The following LARGE1 variants were observed in gnomAD, a reference collection of about 807,000 sequenced individuals.
The protein encoded by LARGE1 is xylosyl- and glucuronyltransferase LARGE1.
In LARGE1, 43 loss-of-function variants were observed where a neutral mutation model predicts 87.6. That is an observed-to-expected ratio of 0.49 (90% confidence interval 0.38 to 0.63). The LOEUF is 0.63. Ranked by LOEUF, LARGE1 falls within the 30% of genes least tolerant of loss-of-function variation. The pLI is 0.00. For synonymous variants in LARGE1, 434 were observed against 394.6 expected (o/e 1.10, Z -1.18); for missense variants, 802 against 1,000.2 (o/e 0.80, Z 2.67).
intron 1 of LARGE1, among the ~76,000 whole-genome samples, chr22:33,802,343 C>A (rs1040633616): frequency 2.0e-5 from 3 of 152,176 alleles, no homozygotes; most frequent in Admixed American, 2.0e-4. Context: ...TTAGGCCCTG[C>A]TGAATGTTCC....
chr22:33,605,814 A>G (rs1306651609), intron 4 of LARGE1, among the ~76,000 whole-genome samples: 4 of 152,192 alleles, frequency 2.6e-5, no homozygotes, highest in Non-Finnish European at 5.9e-5. Context: ...GCAGTTAAAT[A>G]TAAGCACGGG....
the LARGE1 span, among the ~76,000 whole-genome samples, chr22:33,126,955 T>TCCCCAAAGGA: frequency 9.0e-4 from 137 of 152,348 alleles, no homozygotes; most frequent in African/African-American, 2.9e-3. Context: ...CAGGGGGATT[T>TCCCCAAAGGA]TGCTCTGTAT....
At chr22:33,243,791 AAAGAGT>A (rs1230629094) in intron 11 of LARGE1, among the ~76,000 whole-genome samples, 2 of 152,198 alleles carry the variant, frequency 1.3e-5, no homozygotes, top group African/African-American at 4.8e-5. Flanking sequence ...AGTCATGCAT[AAAGAGT>A]TTTCAGGTCA....
At chr22:33,102,099 T>A in the LARGE1 span, among the ~76,000 whole-genome samples, 5 of 151,958 alleles carry the variant, frequency 3.3e-5, no homozygotes, top group Admixed American at 3.3e-4. Context: ...CCCTTGCCCA[T>A]AAACTGTTTC....
At chr22:33,692,591 G>T (rs149613810) in intron 2 of LARGE1, among the ~76,000 whole-genome samples, 1 of 152,224 alleles carries the variant, frequency 6.6e-6, no homozygotes, top group Non-Finnish European at 1.5e-5. Context: ...AATTATAGGC[G>T]TGAGCCACCG....
At chr22:33,075,182 G>A in the LARGE1 span, among the ~76,000 whole-genome samples, 493 of 152,302 alleles carry the variant, frequency 3.2e-3, 4 homozygotes, top group African/African-American at 0.011. Flanking sequence ...CAGTGAAATA[G>A]CTATGTTTCT....
intron 6 of LARGE1, among the ~76,000 whole-genome samples, chr22:33,545,611 G>T (rs543889115): frequency 6.6e-6 from 1 of 152,236 alleles, no homozygotes; most frequent in Non-Finnish European, 1.5e-5. Flanking sequence ...CTGGCTAATT[G>T]TATTTTTTGC....
intron 11 of LARGE1, among the ~76,000 whole-genome samples, chr22:33,211,473 G>A (rs577586676): frequency 1.1e-4 from 17 of 152,082 alleles, no homozygotes; most frequent in Admixed American, 2.0e-4. Context: ...TTCTTCAAGG[G>A]AATTAAAAGT....
chr22:33,636,042 T>A (rs1347168909), intron 3 of LARGE1, among the ~76,000 whole-genome samples: 1 of 152,162 alleles, frequency 6.6e-6, no homozygotes, highest in East Asian at 1.9e-4. Context: ...AAATGGATGA[T>A]GAATGAATGA....
chr22:33,658,020 C>T (rs1279148230), intron 2 of LARGE1, among the ~76,000 whole-genome samples: 3 of 152,098 alleles, frequency 2.0e-5, no homozygotes, highest in Non-Finnish European at 4.4e-5. Flanking sequence ...AGTCTTGAAC[C>T]CAGGTTCACT....
chr22:33,664,000 C>T (rs1365180348), intron 2 of LARGE1, among the ~76,000 whole-genome samples: 1 of 152,198 alleles, frequency 6.6e-6, no homozygotes, highest in Admixed American at 6.5e-5. Flanking sequence ...TTTCACCATC[C>T]TTGGATTTCC....
intron 2 of LARGE1, among the ~76,000 whole-genome samples, chr22:33,749,468 G>C (rs2084230108): frequency 6.6e-6 from 1 of 152,164 alleles, no homozygotes; most frequent in Admixed American, 6.5e-5. Flanking sequence ...TGAGTAACTT[G>C]TCTATTTCAC....
At chr22:33,554,140 G>A (rs2077608649) in intron 6 of LARGE1, among the ~76,000 whole-genome samples, 1 of 152,146 alleles carries the variant, frequency 6.6e-6, no homozygotes, top group Admixed American at 6.5e-5. Flanking sequence ...CCCTCCTCAT[G>A]AGTTCTGCTC....
chr22:33,124,340 G>C, the LARGE1 span, among the ~76,000 whole-genome samples: 1 of 148,250 alleles, frequency 6.7e-6, no homozygotes, highest in African/African-American at 2.5e-5. Flanking sequence ...AAGAGACAAA[G>C]AGACAAAGAA....
At chr22:33,537,817 C>T (rs1198131894) in intron 6 of LARGE1, among the ~76,000 whole-genome samples, 2 of 152,056 alleles carry the variant, frequency 1.3e-5, no homozygotes, top group African/African-American at 2.4e-5. Flanking sequence ...GTGATCCACC[C>T]GCCTCGGCCT....
intron 1 of LARGE1, among the ~76,000 whole-genome samples, chr22:33,784,728 G>A (rs2085541602): frequency 2.0e-5 from 3 of 151,652 alleles, no homozygotes; most frequent in Non-Finnish European, 4.4e-5. Flanking sequence ...CACACATACA[G>A]AGTTTATATT....
At position 33,511,454 on chromosome 22, in the gene LARGE1, A is replaced by G. The variant is rs540809642; in HGVS notation, c.787+53394T>C. On this transcript the variant is annotated intron_variant, in intron 6 of 14. Coordinates refer to ENST00000397394, the MANE Select transcript of LARGE1 (RefSeq NM_133642.5). ...AGCTTTGCATGATAAATTCCAGGGC[A>G]CGTCTAGCTCTGTAATCATAGTTCC... 2.8e-4 allele frequency among the ~76,000 whole-genome samples: 42 copies of G among 152,310 alleles called. No homozygotes were observed. The South Asian group carries it at 8.5e-3, about 31-fold the overall frequency.
intron 2 of LARGE1, among the ~76,000 whole-genome samples, chr22:33,745,066 C>T (rs2084029679): frequency 6.6e-6 from 1 of 152,144 alleles, no homozygotes; most frequent in Admixed American, 6.5e-5. Flanking sequence ...GAAGGAATTG[C>T]CTCAAAGCCT....
chr22:33,274,411 G>A lies in LARGE1; in HGVS notation c.*16C>T, dbSNP rs1928743559. 1 of 1,613,578 alleles carries A rather than the reference G, an allele frequency of 6.2e-7. No homozygotes were observed. Among genetic ancestry groups the A allele is most frequent in the East Asian group, 2.2e-5 (1 of 44,872 alleles). ...CCCCTACAGCATGTCTCCCCCTAGT[G>A]GTGGGCTTCTTGGTGCTAGCTGTTG... On this transcript the variant is annotated 3_prime_UTR_variant, in exon 15 of 15. Transcript: ENST00000397394.
Sources: gnomAD v4.1 joint callset for allele counts (sites outside exome capture counted in the v4.1 genomes callset) on GRCh38, gnomAD v4.1.1 for gene constraint, MANE v1.5 for transcripts, NCBI Gene and HGNC (gene_info 2026-07-23, HGNC 2026-07-21) for gene names.